The following NUP155 variants were observed in gnomAD, a reference collection of about 807,000 sequenced individuals.
NUP155 encodes the protein nuclear pore complex protein Nup155.
In NUP155, 71 loss-of-function variants were observed where a neutral mutation model predicts 180.4. The observed-to-expected ratio is 0.39, with a 90% CI of 0.33 to 0.48. NUP155 has a LOEUF of 0.48. Among genes scored for constraint, NUP155 ranks in the 20% least tolerant of loss-of-function variants. The probability of loss-of-function intolerance (pLI) is 0.91; values close to 1 mark genes in which losing one functional copy is unlikely to be tolerated. For synonymous variants in NUP155, 582 were observed against 559.5 expected (o/e 1.04, Z -0.57); for missense variants, 1,553 against 1,648.9 (o/e 0.94, Z 1.01).
intron 3 of NUP155, among the ~76,000 whole-genome samples, chr5:37,360,686 T>C (rs1200869884): frequency 3.3e-5 from 5 of 149,926 alleles, no homozygotes; most frequent in Non-Finnish European, 7.4e-5. Flanking sequence ...CTCGGGAGGC[T>C]GAGGCAGGAG....
intron 25 of NUP155, among the ~76,000 whole-genome samples, chr5:37,306,681 G>A (rs1340990547): frequency 6.6e-6 from 1 of 151,814 alleles, no homozygotes; most frequent in Non-Finnish European, 1.5e-5. Flanking sequence ...TGGCCAGGCT[G>A]GTCTCGAACT....
chr5:37,346,321 A>C (rs899953784), intron 9 of NUP155, among the ~76,000 whole-genome samples: 2 of 152,146 alleles, frequency 1.3e-5, no homozygotes, highest in Non-Finnish European at 2.9e-5. Flanking sequence ...TGATTGTAGC[A>C]ATAATCTAGG....
chr5:37,319,702 C>A (rs1313673603), intron 20 of NUP155, among the ~76,000 whole-genome samples: 1 of 151,984 alleles, frequency 6.6e-6, no homozygotes, highest in Non-Finnish European at 1.5e-5. Context: ...CTTGTCTCTA[C>A]AAAATGTGAA....
At chr5:37,334,156 C>T (rs962596690) in intron 12 of NUP155, among the ~76,000 whole-genome samples, 16 of 151,088 alleles carry the variant, frequency 1.1e-4, no homozygotes, top group Non-Finnish European at 2.4e-4. Context: ...AGCTGGAGTG[C>T]GCTGGCACGA....
intron 3 of NUP155, among the ~76,000 whole-genome samples, chr5:37,363,564 C>T (rs10079018): frequency 0.024 from 3,698 of 152,230 alleles, 164 homozygotes; most frequent in African/African-American, 0.085. Context: ...TAAAAATGTC[C>T]AATCATCTCT....
rs780083394 is a variant in NUP155, at chr5:37,337,803, G to A, written c.1347+15C>T. 2.7e-6 allele frequency: 4 copies of A among 1,493,440 alleles called. No individual in the cohort carries two copies. The East Asian group carries it at 6.8e-5, about 25-fold the overall frequency. The allele number at this position is 1,493,440 out of a possible 1,614,324, so 92.5% of individuals were successfully genotyped here. ...ATTATATAATAGTTTTTTCAGAATTGTCAGGATAACTTACCTGGGTTTCCA... is the reference window on the plus strand; with the variant it reads ...ATTATATAATAGTTTTTTCAGAATTATCAGGATAACTTACCTGGGTTTCCA... On this transcript the variant is annotated intron_variant, in intron 12 of 34. Coordinates refer to ENST00000231498, the MANE Select transcript of NUP155 (RefSeq NM_153485.3).
At chr5:37,317,609 A>G (rs1319048143) in intron 21 of NUP155, among the ~76,000 whole-genome samples, 2 of 152,178 alleles carry the variant, frequency 1.3e-5, no homozygotes, top group East Asian at 3.8e-4. Flanking sequence ...GGAAGGAACA[A>G]AAATGTATAT....
intron 1 of NUP155, among the ~76,000 whole-genome samples, chr5:37,368,683 G>A (rs1001496023): frequency 2.6e-5 from 4 of 152,048 alleles, no homozygotes; most frequent in Admixed American, 2.0e-4. Flanking sequence ...AGCCAGTGGC[G>A]AACACCTATG....
chr5:37,343,521 A>G (rs375899709), intron 9 of NUP155, among the ~76,000 whole-genome samples: 1 of 152,198 alleles, frequency 6.6e-6, no homozygotes, highest in Admixed American at 6.6e-5. Flanking sequence ...AGATCACAAA[A>G]AAAGACTAAA....
chr5:37,355,708 A>G lies in NUP155; in HGVS notation c.463+2373T>C, dbSNP rs1012515871. Reference sequence around the variant, plus strand: ...ATTCTCCTGCCTCAGCCTCCCAAGTAGCTGGGACTACAGGCGACCACCACC... The same window carrying G: ...ATTCTCCTGCCTCAGCCTCCCAAGTGGCTGGGACTACAGGCGACCACCACC... On this transcript the variant is annotated intron_variant, in intron 4 of 34. Coordinates refer to ENST00000231498, the MANE Select transcript of NUP155 (RefSeq NM_153485.3). 5.6e-4 allele frequency among the ~76,000 whole-genome samples: 85 copies of G among 151,580 alleles called. 1 individual carries two copies. Among genetic ancestry groups the G allele is most frequent in the East Asian group, 4.0e-4 (2 of 5,056 alleles).
At chr5:37,354,376 G>A (rs577560857) in intron 4 of NUP155, among the ~76,000 whole-genome samples, 17 of 151,790 alleles carry the variant, frequency 1.1e-4, no homozygotes, top group African/African-American at 4.1e-4. Context: ...AATTCCTGAC[G>A]TCAGTTGATC....
At chr5:37,328,561 T>C in intron 16 of NUP155, 141 bp from the exon 17 acceptor site, 1 of 647,314 alleles carries the variant, frequency 1.5e-6, no homozygotes, top group South Asian at 1.6e-5. Context: ...TGGAGTGCAG[T>C]GGCATGATCT....
At chr5:37,336,548 G>A (rs1283088782) in intron 12 of NUP155, among the ~76,000 whole-genome samples, 3 of 152,064 alleles carry the variant, frequency 2.0e-5, no homozygotes, top group South Asian at 2.1e-4. Context: ...CAACTCCATC[G>A]TAGTAGGTAC....
rs1747518236 is a variant in NUP155, at chr5:37,365,711, G to GAAAAAAAAA, written c.158-1328_158-1327insTTTTTTTTT. Among the ~76,000 whole-genome samples, 5 of 34,002 alleles carry GAAAAAAAAA rather than the reference G, an allele frequency of 1.5e-4. 1 individual carries two copies. Among genetic ancestry groups the GAAAAAAAAA allele is most frequent in the Admixed American group, 4.8e-4 (1 of 2,072 alleles). The allele number at this position is 34,002 out of a possible 152,430, so 22.3% of individuals were successfully genotyped here. A position where few individuals can be genotyped will look rare whatever the true frequency, so the allele number is the denominator to read the frequency against. On this transcript the variant is annotated intron_variant, in intron 1 of 34. Coordinates refer to ENST00000231498, the MANE Select transcript of NUP155 (RefSeq NM_153485.3). ...TGACAGAGCAAGACTCTGTCTCGGG[G>GAAAAAAAAA]AGAAAAAAAAAAAAAAAAAAAAAAA...
At chr5:37,327,894 T>C (rs1366705581) in intron 17 of NUP155, 118 bp from the exon 18 acceptor site, 1 of 1,126,274 alleles carries the variant, frequency 8.9e-7, no homozygotes, top group East Asian at 2.5e-5. Context: ...AAATTCAGAA[T>C]TCTCATAACC....
Position 37,288,654 on chromosome 5 carries a change from C to T in NUP155, c.*3246G>A, listed in dbSNP as rs1446176984. On this transcript the variant is annotated 3_prime_UTR_variant, in exon 35 of 35. Coordinates refer to ENST00000231498, the MANE Select transcript of NUP155 (RefSeq NM_153485.3). ...GTGGCTCATGCCTATAATCCCAGCACTTTGGGAGACTGAGGCAGGGGAATC... is the reference window on the plus strand; with the variant it reads ...GTGGCTCATGCCTATAATCCCAGCATTTTGGGAGACTGAGGCAGGGGAATC... The T allele has an allele frequency of 7.0e-6, 1 of 143,498 alleles. No individual in the cohort carries two copies. The highest frequency in any genetic ancestry group is 2.6e-5 in the African/African-American group (1 of 38,264). 8.9% of individuals were successfully genotyped at this position (143,498 alleles called of 1,614,324 possible). A position where few individuals can be genotyped will look rare whatever the true frequency, so the allele number is the denominator to read the frequency against.
chr5:37,310,801 T>G, intron 22 of NUP155, 58 bp from the exon 23 acceptor site: 2 of 1,291,526 alleles, frequency 1.5e-6, no homozygotes, highest in South Asian at 1.4e-5. Flanking sequence ...CTAAACATAA[T>G]GAAATTATTT....
At chr5:37,369,639 G>T (rs79647226) in intron 1 of NUP155, among the ~76,000 whole-genome samples, 1 of 151,708 alleles carries the variant, frequency 6.6e-6, no homozygotes, top group African/African-American at 2.4e-5. Flanking sequence ...TATAAGACAC[G>T]CTCATTGGTA....
intron 4 of NUP155, among the ~76,000 whole-genome samples, chr5:37,355,643 A>T (rs1746777668): frequency 6.6e-6 from 1 of 151,392 alleles, no homozygotes; most frequent in South Asian, 2.1e-4. Flanking sequence ...CAGTGGCGTG[A>T]TCTTGGCTCA....
Sources: allele counts gnomAD v4.1 joint callset (sites outside exome capture counted in the v4.1 genomes callset), GRCh38; gene constraint gnomAD v4.1.1; transcripts MANE v1.5; gene names NCBI Gene and HGNC (gene_info 2026-07-23, HGNC 2026-07-21).